LARP7: variants seen among roughly 807,000 people sequenced by gnomAD.
The protein encoded by LARP7 is la-related protein 7.
A neutral mutation model predicts 69.3 loss-of-function variants in LARP7; 52 were observed. The ratio of observed to expected loss-of-function variants is 0.75; its 90% CI spans 0.60 to 0.95. LARP7 has a LOEUF of 0.95. Ranked by LOEUF, LARP7 falls within the 40% of genes least tolerant of loss-of-function variation. The pLI is 0.00. For missense variants in LARP7, 733 were observed against 673.0 expected (o/e 1.09, Z -0.99); for synonymous variants, 254 against 215.9 (o/e 1.18, Z -1.55).
intron 12 of LARP7, 78 bp from the exon 13 acceptor site, chr4:112,657,169 T>TG (rs1419020569): frequency 7.9e-5 from 51 of 646,088 alleles, no homozygotes; most frequent in African/African-American, 2.2e-4. Flanking sequence ...TAGTCATAGT[T>TG]TTGTGTGTGT....
intron 12 of LARP7, chr4:112,654,632 A>G (rs1383774385): frequency 6.5e-6 from 1 of 152,910 alleles, no homozygotes; most frequent in Non-Finnish European, 1.5e-5. Flanking sequence ...AACAAGCTTA[A>G]ATAATTTAAA....
chr4:112,639,177 T>C (rs2047850862), intron 1 of LARP7, among the ~76,000 whole-genome samples: 1 of 152,140 alleles, frequency 6.6e-6, no homozygotes, highest in Non-Finnish European at 1.5e-5. Flanking sequence ...CCAATAACTT[T>C]TATTCTTCAT....
chr4:112,643,512 C>T (rs2048039530), intron 1 of LARP7, among the ~76,000 whole-genome samples: 1 of 152,236 alleles, frequency 6.6e-6, no homozygotes, highest in African/African-American at 2.4e-5. Flanking sequence ...TTAGAAATTG[C>T]TGCCCAAGAA....
chr4:112,653,224 G>C lies in LARP7; in HGVS notation c.1564G>C (p.Glu522Gln). Residue 522 changes from glutamate to glutamine, a missense_variant, in exon 11 of 13, where the codon GAG becomes CAG. Coordinates refer to ENST00000344442, the MANE Select transcript of LARP7 (RefSeq NM_016648.4). ...TAACAAGAAACACTGCTGGAAACTC[G>C]AGATCCTTTCTGGTAAAACTTCATA... ...EINKKHCWKLEILSGDHEQRY... is the reference protein window; with the variant it reads ...EINKKHCWKLQILSGDHEQRY... The C allele has an allele frequency of 5.1e-6, 8 of 1,579,422 alleles. No homozygotes were observed. Among genetic ancestry groups the C allele is most frequent in the Non-Finnish European group, 6.0e-6 (7 of 1,168,660 alleles).
At chr4:112,650,783 ATC>A (rs2048692611) in intron 10 of LARP7, among the ~76,000 whole-genome samples, 1 of 152,278 alleles carries the variant, frequency 6.6e-6, no homozygotes, top group South Asian at 2.1e-4. Flanking sequence ...TCCTCACTAA[ATC>A]TATATGTAAG....
chr4:112,647,109 C>G lies in LARP7; in HGVS notation c.628C>G (p.Pro210Ala). 6.2e-7 allele frequency: 1 copy of G among 1,610,220 alleles called. No homozygotes were observed. The highest frequency in any genetic ancestry group is 8.5e-7 in the Non-Finnish European group (1 of 1,179,182). The change falls in exon 6 of 13, where the codon CCA becomes GCA. Residue 210 changes from proline to alanine, a missense_variant. Physicochemically the swap from Pro to Ala is conservative, Grantham distance 27 (BLOSUM62 -1). Coordinates refer to ENST00000344442, the MANE Select transcript of LARP7 (RefSeq NM_016648.4). ...FPKTVKNKPI[P>A]ALRVVEEKKK... ...TAAAACAGTGAAAAATAAGCCCATT[C>G]CAGCCTTAAGAGTTGTGGGTGAGTA...
At chr4:112,650,223 C>T (rs1029556502) in intron 9 of LARP7, among the ~76,000 whole-genome samples, 4 of 151,976 alleles carry the variant, frequency 2.6e-5, no homozygotes, top group South Asian at 4.1e-4. Context: ...AAAGGCTTTA[C>T]GAATGCTCTT....
chr4:112,654,197 C>A (rs1198303496), intron 12 of LARP7, 38 bp downstream of exon 12: 1 of 1,437,618 alleles, frequency 7.0e-7, no homozygotes, highest in African/African-American at 1.4e-5. Flanking sequence ...ACTAAACTTT[C>A]CTTGAACGTT....
chr4:112,640,504 C>G (rs960547887), intron 1 of LARP7, among the ~76,000 whole-genome samples: 16 of 151,882 alleles, frequency 1.1e-4, no homozygotes, highest in African/African-American at 2.2e-4. Flanking sequence ...GAGTTTGAGA[C>G]CAGCCTGGCC....
At chr4:112,651,734 CA>C (rs1286354264) in intron 10 of LARP7, among the ~76,000 whole-genome samples, 3 of 152,076 alleles carry the variant, frequency 2.0e-5, no homozygotes, top group Non-Finnish European at 4.4e-5. Context: ...ATGTGATTAC[CA>C]GGCTAATTTG....
chr4:112,647,127 GGTGA>G lies in LARP7; in HGVS notation c.646+3_646+6del, dbSNP rs761208307. The G allele has an allele frequency of 1.1e-5, 17 of 1,602,688 alleles. No individual in the cohort carries two copies. In the South Asian group the frequency reaches 1.6e-4, roughly 15 times the overall value. On this transcript the variant is annotated splice_donor_variant and splice_donor_region_variant and intron_variant, in intron 6 of 12. Coordinates refer to ENST00000344442, the MANE Select transcript of LARP7 (RefSeq NM_016648.4). LOFTEE classifies it high-confidence loss of function. ...GCCCATTCCAGCCTTAAGAGTTGTG[GGTGA>G]GTATTTTTCAATATTTAAATAGGTG...
chr4:112,648,648 T>G, intron 8 of LARP7: 1 of 419,722 alleles, frequency 2.4e-6, no homozygotes, highest in Non-Finnish European at 5.0e-6. Flanking sequence ...AAAAAAATTT[T>G]TTTACCTTCC....
intron 9 of LARP7, 74 bp from the exon 10 acceptor site, chr4:112,650,387 G>C: frequency 7.1e-7 from 1 of 1,407,656 alleles, no homozygotes; most frequent in Admixed American, 2.0e-5. Flanking sequence ...ATTATTCTAA[G>C]GTAGTCCTCC....
At chr4:112,648,069 AGG>A (rs747278241) in intron 8 of LARP7, 99 of 630,184 alleles carry the variant, frequency 1.6e-4, no homozygotes, top group Admixed American at 1.7e-4. Flanking sequence ...GTTAAAGTAG[AGG>A]GGGCCCCTTA....
Position 112,647,569 on chromosome 4 carries a change from A to T in LARP7, c.997+20A>T. 2 of 1,445,506 alleles carry T rather than the reference A, an allele frequency of 1.4e-6. No individual in the cohort carries two copies. Among genetic ancestry groups the T allele is most frequent in the Non-Finnish European group, 1.9e-6 (2 of 1,060,738 alleles). The allele number at this position is 1,445,506 out of a possible 1,614,324, so 89.5% of individuals were successfully genotyped here. ...ATAGAGGTAAAACTACAAGGTTTTA[A>T]TTAGATAAAACTAATTAATTTTAAT... is the stretch of plus-strand genomic sequence containing the variant. On this transcript the variant is annotated intron_variant, in intron 7 of 12. Transcript: ENST00000344442.
intron 10 of LARP7, among the ~76,000 whole-genome samples, chr4:112,651,477 G>A (rs183890393): frequency 6.6e-6 from 1 of 152,082 alleles, no homozygotes; most frequent in African/African-American, 2.4e-5. Flanking sequence ...GAAAATTGAG[G>A]GATGTAAATA....
intron 11 of LARP7, 129 bp from the exon 12 acceptor site, chr4:112,653,939 A>G (rs2048858684): frequency 1.5e-6 from 1 of 687,350 alleles, no homozygotes; most frequent in Non-Finnish European, 2.5e-6. Context: ...ATTCTGTAAT[A>G]TGTGTAAAGT....
At chr4:112,640,543 A>C (rs571003421) in intron 1 of LARP7, among the ~76,000 whole-genome samples, 8 of 152,178 alleles carry the variant, frequency 5.3e-5, no homozygotes, top group African/African-American at 1.9e-4. Context: ...CTCTACTGAA[A>C]ACAAAAATTA....
intron 11 of LARP7, 89 bp downstream of exon 11, chr4:112,653,325 T>G: frequency 9.0e-7 from 1 of 1,113,254 alleles, no homozygotes; most frequent in Non-Finnish European, 1.2e-6. Flanking sequence ...GAAACTAGTT[T>G]TTTTTTTTTG....
Sources: allele counts gnomAD v4.1 joint callset (sites outside exome capture counted in the v4.1 genomes callset), GRCh38; gene constraint gnomAD v4.1.1; transcripts MANE v1.5; gene names NCBI Gene and HGNC (gene_info 2026-07-23, HGNC 2026-07-21).